The following EEFSEC variants were observed in gnomAD, a reference collection of about 807,000 sequenced individuals.
EEFSEC encodes eukaryotic elongation factor, selenocysteine-tRNA specific.
A neutral mutation model predicts 42.1 loss-of-function variants in EEFSEC; 43 were observed. That is an observed-to-expected ratio of 1.02 (90% CI 0.80 to 1.32). The LOEUF (loss-of-function observed/expected upper bound fraction) is 1.32, where lower values mean the gene tolerates loss of function less well. Among genes scored for constraint, EEFSEC ranks in the 40% most tolerant of loss-of-function variants. The probability of loss-of-function intolerance (pLI) is 0.00; values close to 1 mark genes in which losing one functional copy is unlikely to be tolerated. For missense variants in EEFSEC, 745 were observed against 803.6 expected, an observed-to-expected ratio of 0.93 and a Z score of 0.88; for synonymous variants, 354 against 339.1, an observed-to-expected ratio of 1.04 and a Z score of -0.48.
chr3:128,395,568 A>C (rs2067971465), intron 6 of EEFSEC, among the ~76,000 whole-genome samples: 1 of 152,160 alleles, frequency 6.6e-6, no homozygotes, highest in African/African-American at 2.4e-5. Flanking sequence ...AGAGGAGAAA[A>C]CTAGCTCTGC....
chr3:128,369,857 T>C (rs1038243674), intron 6 of EEFSEC, among the ~76,000 whole-genome samples: 5 of 152,358 alleles, frequency 3.3e-5, no homozygotes, highest in African/African-American at 1.2e-4. Flanking sequence ...TGAGGGTTCC[T>C]CCTGGTGCTG....
chr3:128,425,799 G>T, the EEFSEC span, among the ~76,000 whole-genome samples: 1 of 152,208 alleles, frequency 6.6e-6, no homozygotes, highest in African/African-American at 2.4e-5. Flanking sequence ...GTTGGCAAGG[G>T]CTCCAAGGGC....
intron 5 of EEFSEC, among the ~76,000 whole-genome samples, chr3:128,347,413 AG>A (rs2067325623): frequency 6.6e-6 from 1 of 152,214 alleles, no homozygotes; most frequent in African/African-American, 2.4e-5. Flanking sequence ...TATGGTGATA[AG>A]GGAAATAGTT....
intron 1 of EEFSEC, among the ~76,000 whole-genome samples, chr3:128,233,056 A>G (rs2065974733): frequency 1.3e-5 from 2 of 152,200 alleles, no homozygotes; most frequent in African/African-American, 2.4e-5. Flanking sequence ...CTGGCGCATC[A>G]TTAATGCTCT....
At chr3:128,226,506 G>A (rs6777054) in intron 1 of EEFSEC, among the ~76,000 whole-genome samples, 107,790 of 152,130 alleles carry the variant, frequency 0.71, 38,428 homozygotes, top group East Asian at 0.89. Context: ...AGCATCCTCC[G>A]TGCAGCACTG....
chr3:128,167,174 A>G (rs2065250216), intron 1 of EEFSEC, among the ~76,000 whole-genome samples: 1 of 152,056 alleles, frequency 6.6e-6, no homozygotes, highest in African/African-American at 2.4e-5. Context: ...AGGCTAGATT[A>G]GGTCACCCTC....
chr3:128,397,489 G>A (rs1031840521), intron 6 of EEFSEC, among the ~76,000 whole-genome samples: 35 of 152,228 alleles, frequency 2.3e-4, no homozygotes, highest in African/African-American at 8.0e-4. Flanking sequence ...TAGAAAGGCA[G>A]TCACTATGAG....
intron 1 of EEFSEC, among the ~76,000 whole-genome samples, chr3:128,205,787 G>A (rs1010446726): frequency 3.3e-5 from 5 of 152,210 alleles, no homozygotes; most frequent in African/African-American, 1.2e-4. Context: ...ATAGTTGTCT[G>A]AAAGGGAGGG....
chr3:128,227,040 G>C (rs2065914931), intron 1 of EEFSEC, among the ~76,000 whole-genome samples: 1 of 152,198 alleles, frequency 6.6e-6, no homozygotes, highest in South Asian at 2.1e-4. Flanking sequence ...TGTCCCTCTG[G>C]TTGCTTGCTT....
intron 1 of EEFSEC, among the ~76,000 whole-genome samples, chr3:128,220,118 G>T (rs562532222): frequency 1.3e-5 from 2 of 152,286 alleles, no homozygotes; most frequent in East Asian, 3.9e-4. Context: ...TGGAGATGAG[G>T]GAACTGAAGG....
intron 1 of EEFSEC, among the ~76,000 whole-genome samples, chr3:128,202,347 G>A (rs1443012273): frequency 1.3e-5 from 2 of 152,052 alleles, no homozygotes; most frequent in Admixed American, 6.5e-5. Context: ...CTTCACTTAT[G>A]TATTTTTAAG....
intron 4 of EEFSEC, among the ~76,000 whole-genome samples, chr3:128,285,320 G>A (rs2066572404): frequency 6.6e-6 from 1 of 152,166 alleles, no homozygotes; most frequent in South Asian, 2.1e-4. Flanking sequence ...GAGGCATGGG[G>A]TGGAAAGCCC....
At position 128,293,155 on chromosome 3, in the gene EEFSEC, C is replaced by G. The variant is rs116306196; in HGVS notation, c.786+28374C>G. ...TCAGAGAATACACATTTCATGTTTT[C>G]TGTCCTCTGAAGTTTGTTGATAATT... On this transcript the variant is annotated intron_variant, in intron 4 of 6. Transcript: ENST00000254730. 6.2e-3 allele frequency among the ~76,000 whole-genome samples: 944 copies of G among 152,268 alleles called. 8 individuals are homozygous for G. Among genetic ancestry groups the G allele is most frequent in the African/African-American group, 0.021 (885 of 41,550 alleles).
chr3:128,329,354 G>A (rs150339664), intron 4 of EEFSEC, among the ~76,000 whole-genome samples: 3 of 152,160 alleles, frequency 2.0e-5, no homozygotes, highest in African/African-American at 4.8e-5. Context: ...TGAGTGTGAC[G>A]GACGTTCCTG....
At chr3:128,373,258 C>T (rs1330264520) in intron 6 of EEFSEC, among the ~76,000 whole-genome samples, 1 of 152,156 alleles carries the variant, frequency 6.6e-6, no homozygotes, top group African/African-American at 2.4e-5. Context: ...GAGTTCCGTG[C>T]AATGTGGAGC....
intron 2 of EEFSEC, among the ~76,000 whole-genome samples, chr3:128,257,695 T>C (rs1032984216): frequency 6.6e-6 from 1 of 152,256 alleles, no homozygotes; most frequent in African/African-American, 2.4e-5. Flanking sequence ...TTCATAATAC[T>C]AAATTAAATT....
At chr3:128,261,628 T>C (rs2066298140) in intron 2 of EEFSEC, among the ~76,000 whole-genome samples, 1 of 146,274 alleles carries the variant, frequency 6.8e-6, no homozygotes, top group Non-Finnish European at 1.5e-5. Context: ...ACAGAATAAG[T>C]ATGTCTTCTT....
intron 1 of EEFSEC, among the ~76,000 whole-genome samples, chr3:128,164,129 C>T (rs1340264863): frequency 6.6e-6 from 1 of 152,016 alleles, no homozygotes; most frequent in Non-Finnish European, 1.5e-5. Flanking sequence ...TAAGGGCTTT[C>T]GGCAGCTTGT....
At chr3:128,212,724 A>G (rs2065771444) in intron 1 of EEFSEC, among the ~76,000 whole-genome samples, 1 of 152,202 alleles carries the variant, frequency 6.6e-6, no homozygotes, top group African/African-American at 2.4e-5. Context: ...TTGGAGGTAT[A>G]GTTTCTACCC....
Sources: gnomAD v4.1 joint callset for allele counts (sites outside exome capture counted in the v4.1 genomes callset) on GRCh38, gnomAD v4.1.1 for gene constraint, MANE v1.5 for transcripts, NCBI Gene and HGNC (gene_info 2026-07-23, HGNC 2026-07-21) for gene names.